Variants in CNTNAP2 observed in about 807,000 individuals in gnomAD.
The protein encoded by CNTNAP2 is contactin associated protein 2, also known as contactin-associated protein-like 2.
A neutral mutation model predicts 155.2 loss-of-function variants in CNTNAP2; 98 were observed. The ratio of observed to expected loss-of-function variants is 0.63; its 90% CI spans 0.54 to 0.75. The LOEUF (loss-of-function observed/expected upper bound fraction) is 0.75. CNTNAP2 is among the 30% of genes least tolerant of loss of function. The probability of loss-of-function intolerance (pLI) is 0.00; values close to 1 mark genes in which losing one functional copy is unlikely to be tolerated. For missense variants in CNTNAP2, 1,727 were observed against 1,688.1 expected (o/e 1.02, Z -0.40); for synonymous variants, 651 against 631.2 (o/e 1.03, Z -0.47).
At chr7:147,480,499 C>A (rs1304143367) in intron 10 of CNTNAP2, among the ~76,000 whole-genome samples, 1 of 152,142 alleles carries the variant, frequency 6.6e-6, no homozygotes, top group African/African-American at 2.4e-5. Flanking sequence ...AGTGAAACTG[C>A]CTTTATAGTC....
At chr7:146,547,824 C>T (rs545161167) in intron 1 of CNTNAP2, among the ~76,000 whole-genome samples, 143 of 144,572 alleles carry the variant, frequency 9.9e-4, no homozygotes, top group Non-Finnish European at 1.7e-3. Context: ...TAAATGCTCA[C>T]GGTGGAATTA....
intron 3 of CNTNAP2, among the ~76,000 whole-genome samples, chr7:146,948,115 C>T (rs1006406404): frequency 4.6e-5 from 7 of 151,928 alleles, no homozygotes; most frequent in Non-Finnish European, 7.4e-5. Flanking sequence ...CTTGGATTAT[C>T]AAAAAAAGCC....
intron 10 of CNTNAP2, among the ~76,000 whole-genome samples, chr7:147,424,102 G>A (rs1797340548): frequency 6.6e-6 from 1 of 152,122 alleles, no homozygotes; most frequent in South Asian, 2.1e-4. Context: ...GTGGGACCCT[G>A]GTGTTGCAAT....
intron 1 of CNTNAP2, among the ~76,000 whole-genome samples, chr7:146,511,258 C>A (rs1797461969): frequency 6.6e-6 from 1 of 152,124 alleles, no homozygotes; most frequent in South Asian, 2.1e-4. Flanking sequence ...TTTCTTCATT[C>A]CCAGTTTGGA....
chr7:147,745,484 C>T (rs1171071372), intron 13 of CNTNAP2, among the ~76,000 whole-genome samples: 5 of 152,174 alleles, frequency 3.3e-5, no homozygotes, highest in Non-Finnish European at 7.3e-5. Flanking sequence ...CATCAACCAA[C>T]CCCAATCATA....
At chr7:147,131,775 G>A (rs567467887) in intron 7 of CNTNAP2, among the ~76,000 whole-genome samples, 16 of 151,906 alleles carry the variant, frequency 1.1e-4, no homozygotes, top group Middle Eastern at 3.4e-3. Context: ...TTCATAAATT[G>A]CAAACATATG....
chr7:147,308,365 G>A (rs1031965760), intron 9 of CNTNAP2, among the ~76,000 whole-genome samples: 2 of 152,202 alleles, frequency 1.3e-5, no homozygotes, highest in Non-Finnish European at 2.9e-5. Context: ...GTAAAAGGCT[G>A]TAGTTGGATG....
At chr7:147,043,230 C>T (rs547369952) in intron 3 of CNTNAP2, among the ~76,000 whole-genome samples, 1 of 150,426 alleles carries the variant, frequency 6.6e-6, no homozygotes, top group East Asian at 1.9e-4. Flanking sequence ...GTATGCCTCC[C>T]AAAAAATCCA....
At chr7:147,373,932 A>G (rs1424001301) in intron 9 of CNTNAP2, among the ~76,000 whole-genome samples, 1 of 152,032 alleles carries the variant, frequency 6.6e-6, no homozygotes, top group Non-Finnish European at 1.5e-5. Context: ...TTTTGAAAAG[A>G]TGACTTGTTA....
In CNTNAP2 at chr7:148,415,539, G is replaced by A. The variant is rs139234992; in HGVS notation, c.3919G>A (p.Ala1307Thr). The change falls in exon 24 of 24, where the codon GCG becomes ACG. Residue 1307 changes from alanine to threonine, a missense_variant. Ala to Thr is a moderately conservative substitution (Grantham distance 58, BLOSUM62 0). Coordinates refer to ENST00000361727, the MANE Select transcript of CNTNAP2 (RefSeq NM_014141.6). ...AAAGGGGGCGGAGTCGGCAGAGAGC[G>A]CGGACGCCGCCATCATGAACAACGA... ...EAKGAESAES[A>T]DAAIMNNDPN... 41 of 1,614,224 alleles carry A rather than the reference G, an allele frequency of 2.5e-5. 1 individual carries two copies. The highest frequency in any genetic ancestry group is 1.6e-4 in the East Asian group (7 of 44,884).
intron 3 of CNTNAP2, among the ~76,000 whole-genome samples, chr7:146,906,385 C>A (rs892156475): frequency 1.3e-5 from 2 of 152,266 alleles, no homozygotes; most frequent in East Asian, 3.9e-4. Context: ...GTAACCTCTG[C>A]AGACTTAAAT....
At chr7:146,940,707 A>ACACG (rs1563012821) in intron 3 of CNTNAP2, among the ~76,000 whole-genome samples, 1 of 151,726 alleles carries the variant, frequency 6.6e-6, no homozygotes, top group Non-Finnish European at 1.5e-5. Context: ...ACACACACAC[A>ACACG]CACACACACA....
chr7:146,646,884 G>T (rs1360465672), intron 1 of CNTNAP2, among the ~76,000 whole-genome samples: 2 of 152,100 alleles, frequency 1.3e-5, no homozygotes, highest in Non-Finnish European at 2.9e-5. Flanking sequence ...TGGGGAAAAA[G>T]AGCAAAAATT....
intron 12 of CNTNAP2, among the ~76,000 whole-genome samples, chr7:147,568,713 G>T (rs972232170): frequency 5.9e-5 from 9 of 151,824 alleles, no homozygotes; most frequent in African/African-American, 2.2e-4. Flanking sequence ...TAACATTTCA[G>T]CTTTTCATTT....
intron 23 of CNTNAP2, among the ~76,000 whole-genome samples, chr7:148,414,556 T>C (rs550571843): frequency 2.4e-5 from 2 of 82,040 alleles, no homozygotes; most frequent in African/African-American, 1.1e-4. Flanking sequence ...TGTCCTCATC[T>C]GCTCATTCCA....
At chr7:146,978,958 G>A (rs1405921485) in intron 3 of CNTNAP2, among the ~76,000 whole-genome samples, 1 of 152,082 alleles carries the variant, frequency 6.6e-6, no homozygotes, top group Non-Finnish European at 1.5e-5. Context: ...GAGATTTTGA[G>A]TAAGGTTAAT....
At chr7:148,270,018 G>A (rs887945614) in intron 21 of CNTNAP2, among the ~76,000 whole-genome samples, 9 of 152,252 alleles carry the variant, frequency 5.9e-5, no homozygotes, top group Middle Eastern at 3.4e-3. Context: ...TGTGGAACCT[G>A]CAAAGTCAAA....
chr7:146,340,683 C>T (rs1801367204), intron 1 of CNTNAP2, among the ~76,000 whole-genome samples: 1 of 152,044 alleles, frequency 6.6e-6, no homozygotes, highest in African/African-American at 2.4e-5. Flanking sequence ...TGATCATGCC[C>T]TAAGGAAGTA....
chr7:148,045,756 A>G (rs2116486002), intron 15 of CNTNAP2, among the ~76,000 whole-genome samples: 1 of 152,332 alleles, frequency 6.6e-6, no homozygotes, highest in Middle Eastern at 3.4e-3. Context: ...AAATAAACCA[A>G]TTACACAATC....
Sources: allele counts gnomAD v4.1 joint callset (sites outside exome capture counted in the v4.1 genomes callset), GRCh38; gene constraint gnomAD v4.1.1; transcripts MANE v1.5; gene names NCBI Gene and HGNC (gene_info 2026-07-23, HGNC 2026-07-21).